FHIP1A: variants seen among roughly 807,000 people sequenced by gnomAD.
FHIP1A encodes FHF complex subunit HOOK-interacting protein 1A.
FHIP1A carries 61 observed loss-of-function variants against 88.6 expected under a neutral mutation model. The ratio of observed to expected loss-of-function variants is 0.69; its 90% CI spans 0.56 to 0.85. The LOEUF (loss-of-function observed/expected upper bound fraction) is 0.85, where lower values mean the gene tolerates loss of function less well. FHIP1A is among the 40% of genes least tolerant of loss of function. FHIP1A has a pLI of 0.00. For missense variants in FHIP1A, 1,154 were observed against 1,273.5 expected (o/e 0.91, Z 1.43); for synonymous variants, 478 against 496.0 (o/e 0.96, Z 0.48).
At chr4:151,628,432 G>C (rs965203651) in intron 7 of FHIP1A, among the ~76,000 whole-genome samples, 2 of 151,708 alleles carry the variant, frequency 1.3e-5, no homozygotes, top group Non-Finnish European at 2.9e-5. Flanking sequence ...TCCACTCAGG[G>C]CTCATCTACA....
intron 7 of FHIP1A, among the ~76,000 whole-genome samples, chr4:151,616,344 A>G (rs1343352219): frequency 6.6e-6 from 1 of 152,124 alleles, no homozygotes; most frequent in Non-Finnish European, 1.5e-5. Flanking sequence ...GTGGGCAAAC[A>G]TTCCCAATAT....
chr4:151,542,458 A>G (rs1381807350), intron 3 of FHIP1A, among the ~76,000 whole-genome samples: 1 of 151,954 alleles, frequency 6.6e-6, no homozygotes, highest in Non-Finnish European at 1.5e-5. Context: ...TCTCTTTGCT[A>G]TCACCTGGCT....
chr4:151,461,703 G>T (rs902393670), intron 2 of FHIP1A, among the ~76,000 whole-genome samples: 5 of 152,208 alleles, frequency 3.3e-5, no homozygotes, highest in African/African-American at 1.2e-4. Context: ...GTGGAGCCAC[G>T]GCAGTTATGT....
At chr4:151,620,173 T>C (rs181628310) in intron 7 of FHIP1A, among the ~76,000 whole-genome samples, 1 of 152,240 alleles carries the variant, frequency 6.6e-6, no homozygotes, top group Admixed American at 6.5e-5. Context: ...CTGCATAGAG[T>C]TGGGCAGGTT....
chr4:151,499,147 T>G (rs951226764), intron 3 of FHIP1A, among the ~76,000 whole-genome samples: 1 of 152,214 alleles, frequency 6.6e-6, no homozygotes, highest in Non-Finnish European at 1.5e-5. Context: ...GAGATCTTCA[T>G]TAGTGGGTGA....
At chr4:151,425,502 CTA>C (rs1358666230) in intron 1 of FHIP1A, among the ~76,000 whole-genome samples, 1 of 151,854 alleles carries the variant, frequency 6.6e-6, no homozygotes, top group Non-Finnish European at 1.5e-5. Flanking sequence ...AATTAAGGGA[CTA>C]TTTTTTGTTA....
intron 3 of FHIP1A, among the ~76,000 whole-genome samples, chr4:151,550,605 GT>G (rs1311016416): frequency 2.0e-5 from 3 of 152,152 alleles, no homozygotes; most frequent in African/African-American, 7.2e-5. Flanking sequence ...CCTAGCAAAG[GT>G]AATATTCTTT....
Position 151,522,795 on chromosome 4 carries a change from A to G in FHIP1A, c.-123+40147A>G, listed in dbSNP as rs976648675. Among the ~76,000 whole-genome samples the G allele has an allele frequency of 5.9e-5, 9 of 152,278 alleles. No individual in the cohort carries two copies. In the South Asian group the frequency reaches 1.0e-3, roughly 18 times the overall value. On this transcript the variant is annotated intron_variant, in intron 3 of 13. Coordinates refer to ENST00000435205, the MANE Select transcript of FHIP1A (RefSeq NM_001109977.3). Reference sequence around the variant, plus strand: ...TTCATTCTTTCTTCCTTTTTTCACAATAAGATCTTGGGAGAGTGAATGCTA... The same window carrying G: ...TTCATTCTTTCTTCCTTTTTTCACAGTAAGATCTTGGGAGAGTGAATGCTA...
At chr4:151,660,014 G>A (rs1737393911) in intron 13 of FHIP1A, among the ~76,000 whole-genome samples, 1 of 152,194 alleles carries the variant, frequency 6.6e-6, no homozygotes, top group Non-Finnish European at 1.5e-5. Flanking sequence ...CTTTTACTGG[G>A]CACTGATTCT....
chr4:151,564,585 G>A (rs918894695), intron 3 of FHIP1A, among the ~76,000 whole-genome samples: 9 of 152,132 alleles, frequency 5.9e-5, no homozygotes, highest in Non-Finnish European at 8.8e-5. Flanking sequence ...TAGTAGCAAA[G>A]GACTATGGTT....
chr4:151,582,420 C>T (rs772211513), intron 5 of FHIP1A, among the ~76,000 whole-genome samples: 1 of 151,770 alleles, frequency 6.6e-6, no homozygotes, highest in Non-Finnish European at 1.5e-5. Flanking sequence ...AAACATTATG[C>T]TAATCTTGGT....
intron 3 of FHIP1A, among the ~76,000 whole-genome samples, chr4:151,497,238 A>G (rs1730496076): frequency 6.6e-6 from 1 of 152,188 alleles, no homozygotes; most frequent in African/African-American, 2.4e-5. Context: ...AAAGTTACTT[A>G]AACTCTAATT....
rs373417275 is a variant in FHIP1A at position 151,650,001 on chromosome 4, G to T, written c.1960G>T (p.Glu654Ter). 1 of 1,551,548 alleles carries T rather than the reference G, an allele frequency of 6.4e-7. No homozygotes were observed. The change falls in exon 11 of 14, where the codon GAG becomes TAG. Residue 654 changes from glutamate to a stop codon, truncating the protein, a stop_gained. Transcript: ENST00000435205. LOFTEE classifies it high-confidence loss of function. ...CAGGCTGTGTGCTGAGAAGGACTCC[G>T]AGGACATGAAGGATTCTCAGGAGGA... ...VYRLCAEKDSEDMKDSQEEAA... is the reference protein window; with the variant it reads ...VYRLCAEKDS
chr4:151,442,882 G>A (rs1411130669), intron 1 of FHIP1A, among the ~76,000 whole-genome samples: 6 of 152,074 alleles, frequency 3.9e-5, no homozygotes, highest in Admixed American at 2.0e-4. Context: ...CTATTTTGCC[G>A]ATCACATTTT....
chr4:151,453,022 T>G (rs774397677), intron 1 of FHIP1A, among the ~76,000 whole-genome samples: 1 of 150,854 alleles, frequency 6.6e-6, no homozygotes, highest in African/African-American at 2.4e-5. Flanking sequence ...CTGGACATAG[T>G]TGTTTTTTTT....
chr4:151,497,566 G>A (rs555856164), intron 3 of FHIP1A, among the ~76,000 whole-genome samples: 1 of 152,228 alleles, frequency 6.6e-6, no homozygotes, highest in South Asian at 2.1e-4. Context: ...CACAACCAGG[G>A]GTGATTTTTG....
At chr4:151,559,082 A>T (rs1474020465) in intron 3 of FHIP1A, among the ~76,000 whole-genome samples, 1 of 152,180 alleles carries the variant, frequency 6.6e-6, no homozygotes, top group East Asian at 1.9e-4. Flanking sequence ...TTTCTGTTAA[A>T]TATCTTTCAG....
Position 151,577,552 on chromosome 4 carries a change from C to G in FHIP1A, c.208C>G (p.His70Asp). The G allele has an allele frequency of 6.4e-7, 1 of 1,551,836 alleles. No individual in the cohort carries two copies. The highest frequency in any genetic ancestry group is 8.7e-7 in the Non-Finnish European group (1 of 1,147,002). The change falls in exon 5 of 14, where the codon CAC becomes GAC. Residue 70 changes from histidine (H) to aspartate (D), a missense_variant. His to Asp is a moderately conservative substitution (Grantham distance 81, BLOSUM62 -1). Coordinates refer to ENST00000435205, the MANE Select transcript of FHIP1A (RefSeq NM_001109977.3). ...EASAVQNYVE[H>D]MLFLLIEEQA... is the part of the protein sequence containing the mutation. Reference sequence around the variant, plus strand: ...CAGTGCCGTGCAGAATTACGTAGAACACATGCTCTTCTTGTTGATTGAAGA... The same window carrying G: ...CAGTGCCGTGCAGAATTACGTAGAAGACATGCTCTTCTTGTTGATTGAAGA...
rs573601862 is a variant in FHIP1A at position 151,445,483 on chromosome 4, G to C, written c.-355-9218G>C. On this transcript the variant is annotated intron_variant, in intron 1 of 13. Coordinates refer to ENST00000435205, the MANE Select transcript of FHIP1A (RefSeq NM_001109977.3). ...GTGGAGTGGGGGGGTGGAGGAGTGGGGATGAAAATTCCAACCCTTTAATTA... is the reference window on the plus strand; with the variant it reads ...GTGGAGTGGGGGGGTGGAGGAGTGGCGATGAAAATTCCAACCCTTTAATTA... 5.9e-5 allele frequency among the ~76,000 whole-genome samples: 9 copies of C among 151,938 alleles called. 1 individual carries two copies. In the South Asian group the frequency reaches 1.9e-3, roughly 32 times the overall value.
Sources: allele counts gnomAD v4.1 joint callset (sites outside exome capture counted in the v4.1 genomes callset), GRCh38; gene constraint gnomAD v4.1.1; transcripts MANE v1.5; gene names NCBI Gene and HGNC (gene_info 2026-07-23, HGNC 2026-07-21).